DNAH1: variants seen among roughly 807,000 people sequenced by gnomAD.
DNAH1 encodes axonemal beta dynein heavy chain 1.
DNAH1 carries 327 observed loss-of-function variants against 484.3 expected under a neutral mutation model. That is an observed-to-expected ratio of 0.68 (90% CI 0.62 to 0.74). The LOEUF (loss-of-function observed/expected upper bound fraction) is 0.74, where lower values mean the gene tolerates loss of function less well. Among genes scored for constraint, DNAH1 ranks in the 30% least tolerant of loss-of-function variants. The pLI is 0.00. For synonymous variants in DNAH1, 2,192 were observed against 2,191.9 expected, an observed-to-expected ratio of 1.00 and a Z score of 0.00; for missense variants, 5,052 against 5,546.8, an observed-to-expected ratio of 0.91 and a Z score of 2.83.
Position 52,358,111 on chromosome 3 carries a change from C to T in DNAH1, c.4086+108C>T. On this transcript the variant is annotated intron_variant, in intron 24 of 77. Coordinates refer to ENST00000420323, the MANE Select transcript of DNAH1 (RefSeq NM_015512.5). This position sits in a 1 kb window ranked among gnomAD's most constrained non-coding sequence, Gnocchi z 4.2. ...TTTTAGCAGGAAATGTGGCAAATGA[C>T]ATTCCTGGTCTTTGGAGACACACCT... The T allele has an allele frequency of 1.1e-6, 1 of 886,520 alleles. No individual in the cohort carries two copies. The highest frequency in any genetic ancestry group is 1.8e-5 in the South Asian group (1 of 55,536). The allele number at this position is 886,520 out of a possible 1,614,324, so 54.9% of individuals were successfully genotyped here.
In DNAH1 at chr3:52,364,422, G is replaced by A. The variant is rs1702984664; in HGVS notation, c.5245-216G>A. Among the ~76,000 whole-genome samples the A allele has an allele frequency of 6.6e-6, 1 of 152,222 alleles. No homozygotes were observed. The highest frequency in any genetic ancestry group is 6.5e-5 in the Admixed American group (1 of 15,284). ...CAGAATGGGTATCGGATAAAGGAGG[G>A]GGCTATCGGGACAGTAAAGTGCAGG... On this transcript the variant is annotated intron_variant, in intron 32 of 77. Transcript: ENST00000420323. The surrounding 1 kb of genome is among the most constrained non-coding windows in gnomAD (Gnocchi z 4.2).
At position 52,396,513 on chromosome 3, in the gene DNAH1, A is replaced by G; in HGVS notation, c.11405A>G (p.Glu3802Gly). 4.3e-6 allele frequency: 7 copies of G among 1,611,488 alleles called. No homozygotes were observed. Among genetic ancestry groups the G allele is most frequent in the Non-Finnish European group, 5.9e-6 (7 of 1,178,884 alleles). The change falls in exon 71 of 78, where the codon GAA becomes GGA. Residue 3802 changes from glutamate (E) to glycine (G), a missense_variant. Glu to Gly is a moderately conservative substitution (Grantham distance 98). Transcript: ENST00000420323. ...CTGAAGTCCTATAGTAGCCTTGGTG[A>G]AGACTTCCTCAACTCCTGCCACAAG... ...NLLKSYSSLG[E>G]DFLNSCHKVM... is the part of the protein sequence containing the mutation.
rs1233164282 is a variant in DNAH1 at position 52,388,896 on chromosome 3, C to G, written c.9454C>G (p.Leu3152Val). 4 of 1,612,154 alleles carry G rather than the reference C, an allele frequency of 2.5e-6. No individual in the cohort carries two copies. Among genetic ancestry groups the G allele is most frequent in the African/African-American group, 2.7e-5 (2 of 75,026 alleles). ...GCTCAACAACATCTCCGGCGATGTC[C>G]TGGTGGCCGCTGGCTTTGTGGCCTA... ...YMLNNISGDV[L>V]VAAGFVAYLG... The change falls in exon 59 of 78, where the codon CTG becomes GTG. Residue 3152 changes from leucine to valine, a missense_variant. Physicochemically the swap from Leu to Val is conservative, Grantham distance 32 (BLOSUM62 1). This residue lies in a region of DNAH1 where 2,929 missense variants were observed against 3,409.4 expected (regional missense o/e 0.86). Coordinates refer to ENST00000420323, the MANE Select transcript of DNAH1 (RefSeq NM_015512.5).
In DNAH1 at chr3:52,344,516, C is replaced by T; in HGVS notation, c.1313C>T (p.Ala438Val). Residue 438 changes from alanine (A) to valine (V), a missense_variant, in exon 9 of 78, where the codon GCC (alanine) becomes GTC (valine). Ala to Val is a moderately conservative substitution (Grantham distance 64). Coordinates refer to ENST00000420323, the MANE Select transcript of DNAH1 (RefSeq NM_015512.5). ...PSVLEHLSSLAREVSLDYERS... is the reference protein window; with the variant it reads ...PSVLEHLSSLVREVSLDYERS... ...GTTCTAGAGCACCTCAGCAGTCTTGCCAGAGAAGTGAGCCTGGACTATGAG... is the reference window on the plus strand; with the variant it reads ...GTTCTAGAGCACCTCAGCAGTCTTGTCAGAGAAGTGAGCCTGGACTATGAG... 6.2e-7 allele frequency: 1 copy of T among 1,613,962 alleles called. No individual in the cohort carries two copies. The highest frequency in any genetic ancestry group is 8.5e-7 in the Non-Finnish European group (1 of 1,179,844).
At chr3:52,396,213 G>A (rs149965791) in intron 70 of DNAH1, among the ~76,000 whole-genome samples, 155 bp from the exon 71 acceptor site, 2,199 of 152,226 alleles carry the variant, frequency 0.014, 51 homozygotes, top group African/African-American at 0.048. Flanking sequence ...GATTACAGAC[G>A]TGAGCCACCG....
rs767617109 is a variant in DNAH1, at chr3:52,392,963, A to G, written c.10412A>G (p.Gln3471Arg). The change falls in exon 65 of 78, where the codon CAG becomes CGG. Residue 3471 changes from glutamine to arginine, a missense_variant. Physicochemically the swap from Gln to Arg is conservative, Grantham distance 43. Coordinates refer to ENST00000420323, the MANE Select transcript of DNAH1 (RefSeq NM_015512.5). The part of the protein sequence containing the change: ...SDLANVDPMY[Q>R]YSLEWFLNIF... ...CTGGCCAACGTGGACCCCATGTACCAGTACTCCCTTGAGTGGTTTCTCAAC... is the reference window on the plus strand; with the variant it reads ...CTGGCCAACGTGGACCCCATGTACCGGTACTCCCTTGAGTGGTTTCTCAAC... The G allele has an allele frequency of 6.2e-7, 1 of 1,613,728 alleles. No homozygotes were observed. The highest frequency in any genetic ancestry group is 1.1e-5 in the South Asian group (1 of 91,068).
intron 44 of DNAH1, chr3:52,374,537 C>G: frequency 6.7e-7 from 1 of 1,496,026 alleles, no homozygotes; most frequent in South Asian, 1.1e-5. Context: ...CCATGGAGCC[C>G]CTCTTCCGGC....
At position 52,375,500 on chromosome 3, in the gene DNAH1, A is replaced by G; in HGVS notation, c.7159+87A>G. On this transcript the variant is annotated intron_variant, in intron 45 of 77. Transcript: ENST00000420323. Reference sequence around the variant, plus strand: ...AAGGACAACTGGGTGGCCACCAGAAAGGGTGGAGTGGCCAAACCATGACCG... The same window carrying G: ...AAGGACAACTGGGTGGCCACCAGAAGGGGTGGAGTGGCCAAACCATGACCG... 3 of 1,479,302 alleles carry G rather than the reference A, an allele frequency of 2.0e-6. No individual in the cohort carries two copies. The South Asian group carries it at 3.8e-5, about 19-fold the overall frequency. 91.6% of individuals were successfully genotyped at this position (1,479,302 alleles called of 1,614,324 possible).
intron 8 of DNAH1, among the ~76,000 whole-genome samples, chr3:52,334,723 G>A (rs753633490): frequency 8.5e-5 from 13 of 152,154 alleles, no homozygotes; most frequent in Non-Finnish European, 1.8e-4. Context: ...AACCTGGGAG[G>A]CAGAGGTTGC....
intron 52 of DNAH1, 44 bp from the exon 53 acceptor site, chr3:52,384,742 C>T (rs370844451): frequency 5.4e-5 from 82 of 1,519,416 alleles, no homozygotes; most frequent in East Asian, 5.3e-4. Flanking sequence ...CCTGTCTTTC[C>T]TGGGGCCTCT....
Position 52,372,063 on chromosome 3 carries a change from A to G in DNAH1, c.6643A>G (p.Met2215Val), listed in dbSNP as rs372635768. Reference sequence around the variant, plus strand: ...CGTGCAGATGTCCCATTTACTGGACATGCTGCTCACCAACAAGAAGCCCGT... The same window carrying G: ...CGTGCAGATGTCCCATTTACTGGACGTGCTGCTCACCAACAAGAAGCCCGT... ...DTVQMSHLLDMLLTNKKPVLC... is the reference protein window; with the variant it reads ...DTVQMSHLLDVLLTNKKPVLC... Residue 2215 changes from methionine (M) to valine (V), a missense_variant, in exon 42 of 78, where the codon ATG becomes GTG. Physicochemically the swap from Met to Val is conservative, Grantham distance 21. Around this residue, in one of 4 missense-constraint regions of DNAH1, gnomAD observed 2,929 missense variants for 3,409.4 expected, o/e 0.86. Transcript: ENST00000420323. 6.8e-6 allele frequency: 11 copies of G among 1,613,656 alleles called. No individual in the cohort carries two copies. The African/African-American group carries it at 1.2e-4, about 18-fold the overall frequency.
chr3:52,311,181 C>T, the DNAH1 span, among the ~76,000 whole-genome samples: 3 of 152,300 alleles, frequency 2.0e-5, no homozygotes, highest in East Asian at 5.8e-4. Flanking sequence ...CCTATGGGGG[C>T]ACCAGGAGAG....
Position 52,322,769 on chromosome 3 carries a change from A to G in DNAH1, c.327A>G (p.Gln109=). ...TCCTCAGCCCTGGAACCTTAGATCA[A>G]CTTGGGGTGAGTATGGCAGCCATCC... ...SDILSPGTLD[Q]LGEVCRGPRM... is the part of the protein sequence containing the mutation. The change falls in exon 2 of 78, where the codon CAA becomes CAG. Residue 109 remains glutamine, a synonymous_variant. Coordinates refer to ENST00000420323, the MANE Select transcript of DNAH1 (RefSeq NM_015512.5). 1 of 1,599,190 alleles carries G rather than the reference A, an allele frequency of 6.3e-7. No homozygotes were observed.
At chr3:52,369,709 G>C in intron 37 of DNAH1, 116 bp from the exon 38 acceptor site, 1 of 1,137,432 alleles carries the variant, frequency 8.8e-7, no homozygotes, top group South Asian at 1.6e-5. Context: ...CTGCCCCACA[G>C]CCTGCCCACA....
intron 50 of DNAH1, among the ~76,000 whole-genome samples, chr3:52,382,815 G>T (rs1022178724): frequency 1.3e-5 from 2 of 152,240 alleles, no homozygotes; most frequent in African/African-American, 4.8e-5. Context: ...ATGGCATGAG[G>T]CTTCTCCCTA....
chr3:52,335,977 G>A (rs1330711580), intron 8 of DNAH1, among the ~76,000 whole-genome samples: 1 of 151,990 alleles, frequency 6.6e-6, no homozygotes, highest in Non-Finnish European at 1.5e-5. Context: ...TTTTTTCCTT[G>A]TACAGTTGTT....
Position 52,399,772 on chromosome 3 carries a change from T to C in DNAH1, c.12669T>C (p.Thr4223=). 1 of 1,613,770 alleles carries C rather than the reference T, an allele frequency of 6.2e-7. No individual in the cohort carries two copies. Among genetic ancestry groups the C allele is most frequent in the Non-Finnish European group, 8.5e-7 (1 of 1,179,812 alleles). The change falls in exon 77 of 78, where the codon ACT becomes ACC. Residue 4223 remains threonine (T), a synonymous_variant. Coordinates refer to ENST00000420323, the MANE Select transcript of DNAH1 (RefSeq NM_015512.5). ...TGTGCCCCATCTACAAGACACTGAC[T>C]CGTGCTGGTATGAGGCCTGGGATGG... ...FYLCPIYKTL[T]RAGTLSTTGH...
Position 52,388,072 on chromosome 3 carries a change from C to T in DNAH1, c.9004-95C>T, listed in dbSNP as rs1704186174. ...CTGAGGCCTGCACAGGGCATAAAAG[C>T]CAGGGTGTCCCTCAGCAGGCCCCAC... On this transcript the variant is annotated intron_variant, in intron 56 of 77. Coordinates refer to ENST00000420323, the MANE Select transcript of DNAH1 (RefSeq NM_015512.5). The T allele has an allele frequency of 2.7e-6, 4 of 1,481,938 alleles. No individual in the cohort carries two copies. The Admixed American group carries it at 8.2e-5, about 30-fold the overall frequency. The allele number at this position is 1,481,938 out of a possible 1,614,324, so 91.8% of individuals were successfully genotyped here. A position where few individuals can be genotyped will look rare whatever the true frequency, so the allele number is the denominator to read the frequency against.
In DNAH1 at chr3:52,349,343, C is replaced by G; in HGVS notation, c.2449C>G (p.Leu817Val). ...YINTDNVKQSLSKKRKALATS... is the reference protein window; with the variant it reads ...YINTDNVKQSVSKKRKALATS... ...CAACACCGACAATGTCAAGCAGAGC[C>G]TGTCCAAGAAACGCAAGGCCCTGGC... The change falls in exon 14 of 78, where the codon CTG becomes GTG. Residue 817 changes from leucine (L) to valine (V), a missense_variant. This residue lies in a region of DNAH1 where 1,263 missense variants were observed against 1,218.8 expected (regional missense o/e 1.04). Coordinates refer to ENST00000420323, the MANE Select transcript of DNAH1 (RefSeq NM_015512.5). 3 of 1,614,030 alleles carry G rather than the reference C, an allele frequency of 1.9e-6. No homozygotes were observed. The highest frequency in any genetic ancestry group is 2.5e-6 in the Non-Finnish European group (3 of 1,179,900).
Sources: gnomAD v4.1 joint callset for allele counts (sites outside exome capture counted in the v4.1 genomes callset) on GRCh38, gnomAD v4.1.1 for gene constraint, gnomAD v4.1.1 regional missense constraint, Gnocchi (gnomAD v3.1) non-coding constraint, MANE v1.5 for transcripts, NCBI Gene and HGNC (gene_info 2026-07-23, HGNC 2026-07-21) for gene names.